KIRREL3: variants seen among roughly 807,000 people sequenced by gnomAD.
KIRREL3 encodes the protein kirre like nephrin family adhesion molecule 3.
KIRREL3 carries 36 observed loss-of-function variants against 89.7 expected under a neutral mutation model. That is an observed-to-expected ratio of 0.40 (90% CI 0.31 to 0.53). KIRREL3 has a LOEUF of 0.53. Among genes scored for constraint, KIRREL3 ranks in the 20% least tolerant of loss-of-function variants. KIRREL3 has a pLI of 0.49. For missense variants in KIRREL3, 864 were observed against 1,056.6 expected, an observed-to-expected ratio of 0.82 and a Z score of 2.53; for synonymous variants, 445 against 441.4, an observed-to-expected ratio of 1.01 and a Z score of -0.10.
chr11:126,532,162 C>T (rs2134460620), intron 2 of KIRREL3, among the ~76,000 whole-genome samples: 1 of 152,204 alleles, frequency 6.6e-6, no homozygotes, highest in Middle Eastern at 3.4e-3. Context: ...ATAGATGAAC[C>T]AAGGCTCACA....
intron 2 of KIRREL3, among the ~76,000 whole-genome samples, chr11:126,548,367 C>T (rs555466622): frequency 2.0e-5 from 3 of 152,318 alleles, no homozygotes; most frequent in African/African-American, 7.2e-5. Flanking sequence ...GTTGCGGAGG[C>T]CACTGTGCCC....
intron 1 of KIRREL3, among the ~76,000 whole-genome samples, chr11:126,711,518 C>G (rs185635515): frequency 2.0e-4 from 30 of 152,194 alleles, no homozygotes; most frequent in Non-Finnish European, 3.7e-4. Flanking sequence ...ACTGAGATCG[C>G]GCCACTGCAC....
At chr11:126,936,186 A>G (rs1165188574) in intron 1 of KIRREL3, 1 of 152,212 alleles carries the variant, frequency 6.6e-6, no homozygotes, top group African/African-American at 2.4e-5. Context: ...TTAAAACCAC[A>G]ATGAGATACC....
chr11:126,626,343 T>A (rs1378793070), intron 1 of KIRREL3, among the ~76,000 whole-genome samples: 1 of 152,268 alleles, frequency 6.6e-6, no homozygotes, highest in East Asian at 1.9e-4. Context: ...TCTGACATTC[T>A]AATGAAGAAC....
intron 1 of KIRREL3, among the ~76,000 whole-genome samples, chr11:126,760,189 G>A (rs1377612709): frequency 6.6e-6 from 1 of 152,094 alleles, no homozygotes; most frequent in Non-Finnish European, 1.5e-5. Context: ...GTCTGTCTGG[G>A]GGTCACCCAT....
chr11:126,494,500 A>T (rs1957604420), intron 4 of KIRREL3, among the ~76,000 whole-genome samples: 2 of 152,088 alleles, frequency 1.3e-5, no homozygotes. Context: ...TCTTTGTCTA[A>T]TATTTTGATA....
Position 126,434,056 on chromosome 11 carries a change from G to A in KIRREL3, c.1588+1212C>T, listed in dbSNP as rs539880136. The stretch of plus-strand genomic sequence containing the variant: ...GGAGAGCAGGGGGTCCTGTGGGGGC[G>A]AGTGCCCCGGGGTGCCATCTCTTCC... On this transcript the variant is annotated intron_variant, in intron 13 of 16. Transcript: ENST00000525144. Among the ~76,000 whole-genome samples, 584 of 152,354 alleles carry A rather than the reference G, an allele frequency of 3.8e-3. 2 individuals are homozygous for A. The highest frequency in any genetic ancestry group is 0.013 in the African/African-American group (544 of 41,594).
At chr11:126,819,037 T>C (rs531790708) in intron 1 of KIRREL3, among the ~76,000 whole-genome samples, 3 of 152,152 alleles carry the variant, frequency 2.0e-5, no homozygotes, top group African/African-American at 7.2e-5. Flanking sequence ...GTAGAGGCAG[T>C]TGGGGAGGAA....
At chr11:126,577,503 T>C (rs1247933455) in intron 1 of KIRREL3, among the ~76,000 whole-genome samples, 2 of 149,796 alleles carry the variant, frequency 1.3e-5, no homozygotes, top group Admixed American at 6.7e-5. Context: ...TCCCAGCACT[T>C]TGGGAGGCCG....
rs910570656 is a variant in KIRREL3 at position 126,435,146 on chromosome 11, G to C, written c.1588+122C>G. 9.7e-6 allele frequency: 10 copies of C among 1,027,638 alleles called. No homozygotes were observed. In the East Asian group the frequency reaches 1.9e-4, roughly 20 times the overall value. 63.7% of individuals were successfully genotyped at this position (1,027,638 alleles called of 1,614,324 possible). ...TGTCTACACTAAACCCTCAGGACGG[G>C]GGAGGGCGGAGACACTAGCGGCCAG... On this transcript the variant is annotated intron_variant, in intron 13 of 16. Transcript: ENST00000525144.
At position 126,668,693 on chromosome 11, in the gene KIRREL3, TTTTC is replaced by T. The variant is rs57753203; in HGVS notation, c.56-105785_56-105782del. Among the ~76,000 whole-genome samples, 12,493 of 126,518 alleles carry T rather than the reference TTTTC, an allele frequency of 0.099. 683 individuals carry two copies. The highest frequency in any genetic ancestry group is 0.13 in the African/African-American group (4,302 of 32,510). 83.0% of individuals were successfully genotyped at this position (126,518 alleles called of 152,430 possible). A position where few individuals can be genotyped will look rare whatever the true frequency, so the allele number is the denominator to read the frequency against. On this transcript the variant is annotated intron_variant, in intron 1 of 16. Transcript: ENST00000525144. This position sits in a 1 kb window ranked among gnomAD's most constrained non-coding sequence, Gnocchi z 4.4. ...TAAAGAGCTGTTGGGAAGTTTCTGT[TTTTC>T]TTTCTTTCTTTCTTTCTTTCTTTCT... is the stretch of plus-strand genomic sequence containing the variant.
chr11:126,698,169 C>T (rs1947174196), intron 1 of KIRREL3, among the ~76,000 whole-genome samples: 1 of 152,112 alleles, frequency 6.6e-6, no homozygotes, highest in African/African-American at 2.4e-5. Context: ...GCAAACGCTC[C>T]CTCTCTCCCT....
intron 1 of KIRREL3, among the ~76,000 whole-genome samples, chr11:126,637,539 T>C (rs867357828): frequency 2.0e-5 from 3 of 152,244 alleles, no homozygotes; most frequent in Middle Eastern, 3.4e-3. Context: ...AGCTAGTTTC[T>C]CCTCTTGCAA....
At chr11:126,713,488 T>C (rs1162874581) in intron 1 of KIRREL3, among the ~76,000 whole-genome samples, 2 of 151,982 alleles carry the variant, frequency 1.3e-5, no homozygotes, top group Non-Finnish European at 2.9e-5. Flanking sequence ...TGTAGGAAGA[T>C]GGGGCAGGAG....
In KIRREL3 at chr11:126,492,992, C is replaced by T. The variant is rs958156450; in HGVS notation, c.434-19526G>A. Among the ~76,000 whole-genome samples, 30 of 152,344 alleles carry T rather than the reference C, an allele frequency of 2.0e-4. No homozygotes were observed. Among genetic ancestry groups the T allele is most frequent in the African/African-American group, 5.5e-4 (23 of 41,588 alleles). On this transcript the variant is annotated intron_variant, in intron 4 of 16. Coordinates refer to ENST00000525144, the MANE Select transcript of KIRREL3 (RefSeq NM_032531.4). This position sits in a 1 kb window ranked among gnomAD's most constrained non-coding sequence, Gnocchi z 4.8. ...AGGCCGTAGAACAGCCTCGGTGCTG[C>T]GGCTAACTGACAGGGGGCAGGAATT...
At chr11:126,533,908 C>G (rs1959018577) in intron 2 of KIRREL3, among the ~76,000 whole-genome samples, 1 of 152,164 alleles carries the variant, frequency 6.6e-6, no homozygotes, top group Admixed American at 6.5e-5. Context: ...TCAAAGCCAC[C>G]CTCTGTCCTG....
intron 1 of KIRREL3, among the ~76,000 whole-genome samples, chr11:126,584,013 T>A (rs1941694850): frequency 6.6e-6 from 1 of 152,344 alleles, no homozygotes; most frequent in African/African-American, 2.4e-5. Context: ...GGTTTTTCAA[T>A]GATGTGAATG....
intron 1 of KIRREL3, among the ~76,000 whole-genome samples, chr11:126,799,308 ATG>A (rs1246145110): frequency 3.8e-5 from 4 of 106,226 alleles, no homozygotes; most frequent in African/African-American, 1.6e-4. Flanking sequence ...ACGTGTGTGC[ATG>A]TGTGTACCTA....
intron 1 of KIRREL3, among the ~76,000 whole-genome samples, chr11:126,680,557 A>AG (rs549625913): frequency 1.6e-3 from 236 of 152,216 alleles, no homozygotes; most frequent in Middle Eastern, 6.8e-3. Context: ...CTATCTAGAG[A>AG]GGGAAAAAAA....
Sources: gnomAD v4.1 joint callset for allele counts (sites outside exome capture counted in the v4.1 genomes callset) on GRCh38, gnomAD v4.1.1 for gene constraint, Gnocchi (gnomAD v3.1) non-coding constraint, MANE v1.5 for transcripts, NCBI Gene and HGNC (gene_info 2026-07-23, HGNC 2026-07-21) for gene names.